Variants in ASTN2 observed in about 807,000 individuals in gnomAD.
ASTN2 encodes astrotactin 2.
ASTN2 carries 54 observed loss-of-function variants against 139.8 expected under a neutral mutation model. The observed-to-expected ratio is 0.39, with a 90% CI of 0.31 to 0.48. ASTN2 has a LOEUF of 0.48. Among genes scored for constraint, ASTN2 ranks in the 20% least tolerant of loss-of-function variants. The pLI is 0.95. For missense variants in ASTN2, 1,565 were observed against 1,725.1 expected, an observed-to-expected ratio of 0.91 and a Z score of 1.64; for synonymous variants, 756 against 719.5, an observed-to-expected ratio of 1.05 and a Z score of -0.81.
intron 4 of ASTN2, among the ~76,000 whole-genome samples, chr9:117,115,729 T>A (rs1238428428): frequency 6.6e-6 from 1 of 151,152 alleles, no homozygotes; most frequent in East Asian, 2.0e-4. Context: ...TAACTGTCAA[T>A]AAGAGACAAT....
chr9:117,382,483 G>T (rs542408480), intron 1 of ASTN2, among the ~76,000 whole-genome samples: 1 of 152,296 alleles, frequency 6.6e-6, no homozygotes, highest in South Asian at 2.1e-4. Flanking sequence ...GGAAATTAAA[G>T]CTCGGGGAGA....
intron 17 of ASTN2, among the ~76,000 whole-genome samples, chr9:116,629,112 CTTTTTTTTT>C (rs57200909): frequency 9.9e-6 from 1 of 100,510 alleles, no homozygotes; most frequent in African/African-American, 4.4e-5. Context: ...TCCAGTAACT[CTTTTTTTTT>C]TTTTTTTTTT....
chr9:117,199,210 C>T (rs1831615819), intron 3 of ASTN2, among the ~76,000 whole-genome samples: 1 of 152,138 alleles, frequency 6.6e-6, no homozygotes, highest in South Asian at 2.1e-4. Flanking sequence ...TTTGCCCATG[C>T]CTATATCCTG....
At chr9:116,805,942 T>A in intron 12 of ASTN2, 122 bp from the exon 13 acceptor site, 1 of 922,412 alleles carries the variant, frequency 1.1e-6, no homozygotes, top group Non-Finnish European at 1.7e-6. Context: ...GAGACAGCTA[T>A]TCTACCTGGA....
chr9:116,449,455 C>T (rs1160083774), intron 20 of ASTN2, among the ~76,000 whole-genome samples: 2 of 152,112 alleles, frequency 1.3e-5, no homozygotes, highest in Non-Finnish European at 1.5e-5. Flanking sequence ...TATTATCTAT[C>T]TCAAAGGGAT....
chr9:116,780,721 T>C (rs1198081209), intron 13 of ASTN2, among the ~76,000 whole-genome samples: 1 of 152,146 alleles, frequency 6.6e-6, no homozygotes, highest in Non-Finnish European at 1.5e-5. Context: ...CATTTCCCCC[T>C]ACACAACCAA....
At chr9:117,168,497 A>G (rs1830718775) in intron 3 of ASTN2, among the ~76,000 whole-genome samples, 1 of 152,108 alleles carries the variant, frequency 6.6e-6, no homozygotes, top group Non-Finnish European at 1.5e-5. Context: ...TTTTTAACTT[A>G]TATTTGGAGG....
chr9:117,158,976 C>T (rs1830488482), intron 3 of ASTN2, among the ~76,000 whole-genome samples: 1 of 151,936 alleles, frequency 6.6e-6, no homozygotes, highest in South Asian at 2.1e-4. Context: ...GTACCTGGCC[C>T]TCCCTACCTC....
intron 10 of ASTN2, among the ~76,000 whole-genome samples, chr9:116,971,521 A>G (rs1257755493): frequency 6.6e-6 from 1 of 152,188 alleles, no homozygotes; most frequent in Non-Finnish European, 1.5e-5. Flanking sequence ...TTCATTCTGT[A>G]ACCATGTCCA....
chr9:117,282,596 C>T (rs1834350677), intron 2 of ASTN2, among the ~76,000 whole-genome samples: 1 of 152,180 alleles, frequency 6.6e-6, no homozygotes, highest in Non-Finnish European at 1.5e-5. Context: ...CTGCCATTGG[C>T]TCTGGGCTTG....
At chr9:116,490,742 A>G (rs1295186503) in intron 19 of ASTN2, among the ~76,000 whole-genome samples, 1 of 152,132 alleles carries the variant, frequency 6.6e-6, no homozygotes, top group Non-Finnish European at 1.5e-5. Flanking sequence ...TACTATCACG[A>G]GAACAGCATG....
intron 19 of ASTN2, among the ~76,000 whole-genome samples, chr9:116,604,872 G>T (rs1436874153): frequency 6.6e-6 from 1 of 152,066 alleles, no homozygotes; most frequent in African/African-American, 2.4e-5. Flanking sequence ...ATGATAACAG[G>T]GACAGAGAAA....
chr9:117,091,145 A>C (rs1828694895), intron 5 of ASTN2, among the ~76,000 whole-genome samples: 1 of 152,214 alleles, frequency 6.6e-6, no homozygotes, highest in Non-Finnish European at 1.5e-5. Context: ...AGAGGAGAGC[A>C]GGCCCTTTCC....
intron 6 of ASTN2, among the ~76,000 whole-genome samples, chr9:117,033,103 A>G (rs956934649): frequency 6.6e-6 from 1 of 152,176 alleles, no homozygotes; most frequent in African/African-American, 2.4e-5. Flanking sequence ...AATTGGTGAC[A>G]CTCTGTGTGA....
chr9:116,797,584 T>C (rs1830735238), intron 13 of ASTN2, among the ~76,000 whole-genome samples: 1 of 152,220 alleles, frequency 6.6e-6, no homozygotes, highest in African/African-American at 2.4e-5. Flanking sequence ...TGCTAAGAGC[T>C]TGAATACTGC....
chr9:117,325,225 C>A (rs1828476209), intron 1 of ASTN2, among the ~76,000 whole-genome samples: 2 of 152,188 alleles, frequency 1.3e-5, no homozygotes, highest in African/African-American at 4.8e-5. Flanking sequence ...GCCAGTCCAA[C>A]ACAGATTCTG....
chr9:116,426,216 T>TA, intron 22 of ASTN2, 128 bp from the exon 23 acceptor site: 1 of 1,178,610 alleles, frequency 8.5e-7, no homozygotes, highest in Non-Finnish European at 1.2e-6. Flanking sequence ...CAGATTGGAG[T>TA]GTGGTACTTC....
chr9:117,300,407 T>G (rs1434559363), intron 1 of ASTN2, among the ~76,000 whole-genome samples: 1 of 152,206 alleles, frequency 6.6e-6, no homozygotes, highest in Non-Finnish European at 1.5e-5. Context: ...GCAATAAATA[T>G]TTGTCAAATC....
chr9:117,145,012 T>C (rs1830162906), intron 3 of ASTN2, among the ~76,000 whole-genome samples: 1 of 151,928 alleles, frequency 6.6e-6, no homozygotes, highest in African/African-American at 2.4e-5. Context: ...TATTTTAGAC[T>C]CAGGGGTACA....
Sources: gnomAD v4.1 joint callset for allele counts (sites outside exome capture counted in the v4.1 genomes callset) on GRCh38, gnomAD v4.1.1 for gene constraint, MANE v1.5 for transcripts, NCBI Gene and HGNC (gene_info 2026-07-23, HGNC 2026-07-21) for gene names.